The following PLAG1 variants were observed in gnomAD, a reference collection of about 807,000 sequenced individuals.
PLAG1 encodes zinc finger protein PLAG1.
PLAG1 carries 7 observed loss-of-function variants against 35.5 expected under a neutral mutation model. The ratio of observed to expected loss-of-function variants is 0.20; its 90% CI spans 0.11 to 0.37. The LOEUF is 0.37. Ranked by LOEUF, PLAG1 falls within the 10% of genes least tolerant of loss-of-function variation. The pLI is 1.00. For missense variants in PLAG1, 454 were observed against 602.8 expected (o/e 0.75, Z 2.58); for synonymous variants, 229 against 225.4 (o/e 1.02, Z -0.14).
At chr8:56,194,159 T>C (rs1047606459) in intron 1 of PLAG1, among the ~76,000 whole-genome samples, 2 of 151,724 alleles carry the variant, frequency 1.3e-5, no homozygotes, top group African/African-American at 4.8e-5. Context: ...ACTAAAAAAA[T>C]ACAAAAAATG....
chr8:56,181,961 G>A (rs1376632944), intron 1 of PLAG1, among the ~76,000 whole-genome samples: 1 of 152,170 alleles, frequency 6.6e-6, no homozygotes, highest in South Asian at 2.1e-4. Context: ...GTAGGGGAGG[G>A]CATGACTGCC....
intron 1 of PLAG1, among the ~76,000 whole-genome samples, chr8:56,200,760 A>ATTAG (rs1812525089): frequency 6.6e-6 from 1 of 151,600 alleles, no homozygotes; most frequent in South Asian, 2.1e-4. Flanking sequence ...CCAATTCCTA[A>ATTAG]CTCATGCCTT....
intron 1 of PLAG1, among the ~76,000 whole-genome samples, chr8:56,205,345 T>C (rs1204887373): frequency 6.6e-6 from 1 of 151,822 alleles, no homozygotes; most frequent in African/African-American, 2.4e-5. Flanking sequence ...TTTTCTTATT[T>C]AAAAAAAATT....
chr8:56,192,643 C>A (rs1812220295), intron 1 of PLAG1, among the ~76,000 whole-genome samples: 1 of 152,158 alleles, frequency 6.6e-6, no homozygotes, highest in South Asian at 2.1e-4. Context: ...AATTCTACAC[C>A]ATAACACTAC....
intron 2 of PLAG1, among the ~76,000 whole-genome samples, chr8:56,172,571 A>G (rs1811565278): frequency 6.6e-6 from 1 of 152,178 alleles, no homozygotes; most frequent in African/African-American, 2.4e-5. Context: ...ACACGTGTGG[A>G]GTGTTTTCAT....
chr8:56,171,195 A>G lies in PLAG1; in HGVS notation c.-216-6T>C. 1 of 853,398 alleles carries G rather than the reference A, an allele frequency of 1.2e-6. No homozygotes were observed. Among genetic ancestry groups the G allele is most frequent in the South Asian group, 5.3e-5 (1 of 18,704 alleles). 52.9% of individuals were successfully genotyped at this position (853,398 alleles called of 1,614,324 possible). On this transcript the variant is annotated splice_region_variant and splice_polypyrimidine_tract_variant and intron_variant, in intron 2 of 4. Transcript: ENST00000316981. ...TCCTTCCCATTTTGGCCAATCTATGAAAAAAAAGTGAAAATGGACTATCCT... is the reference window on the plus strand; with the variant it reads ...TCCTTCCCATTTTGGCCAATCTATGGAAAAAAAGTGAAAATGGACTATCCT...
At chr8:56,191,765 T>G (rs1170704188) in intron 1 of PLAG1, among the ~76,000 whole-genome samples, 1 of 150,070 alleles carries the variant, frequency 6.7e-6, no homozygotes, top group Non-Finnish European at 1.5e-5. Context: ...TAACATAGGG[T>G]GATCTTTCAT....
intron 2 of PLAG1, among the ~76,000 whole-genome samples, chr8:56,176,324 A>T (rs1811694570): frequency 7.1e-6 from 1 of 141,748 alleles, no homozygotes; most frequent in Admixed American, 7.4e-5. Context: ...AAGTGCTGGG[A>T]TTACAGGCGT....
At chr8:56,182,274 G>C (rs983580864) in intron 1 of PLAG1, among the ~76,000 whole-genome samples, 3 of 152,162 alleles carry the variant, frequency 2.0e-5, no homozygotes, top group Non-Finnish European at 4.4e-5. Context: ...TTTACTAGAA[G>C]AAAGTCCACT....
Position 56,163,236 on chromosome 8 carries a change from T to TTTTA in PLAG1, c.*3006_*3007insTAAA, listed in dbSNP as rs71256590. On this transcript the variant is annotated 3_prime_UTR_variant, in exon 5 of 5. Transcript: ENST00000316981. ...TTTTTTTTTTTTTTTTTTTTTTTTT[T>TTTTA]AACCAAGCTAAGGCACTACCAGAAA... The TTTTA allele has an allele frequency of 3.4e-4, 50 of 149,092 alleles. No individual in the cohort carries two copies. The highest frequency in any genetic ancestry group is 1.3e-3 in the African/African-American group (50 of 37,810). 9.2% of individuals were successfully genotyped at this position (149,092 alleles called of 1,614,324 possible).
chr8:56,166,195 G>C lies in PLAG1; in HGVS notation c.*48C>G, dbSNP rs746870540. ...GCACTAAAATAAAAATGGTCATCTA[G>C]GGCACAGCTACACATACATTTCTGT... On this transcript the variant is annotated 3_prime_UTR_variant, in exon 5 of 5. Transcript: ENST00000316981. 7.3e-7 allele frequency: 1 copy of C among 1,361,328 alleles called. No homozygotes were observed. Among genetic ancestry groups the C allele is most frequent in the Non-Finnish European group, 1.0e-6 (1 of 999,860 alleles). The allele number at this position is 1,361,328 out of a possible 1,614,324, so 84.3% of individuals were successfully genotyped here. A position where few individuals can be genotyped will look rare whatever the true frequency, so the allele number is the denominator to read the frequency against.
intron 2 of PLAG1, chr8:56,171,566 T>C (rs7830138): frequency 0.26 from 39,095 of 151,974 alleles, 5,838 homozygotes; most frequent in African/African-American, 0.41. Context: ...AAGTGACAAT[T>C]TTAGGCCCCT....
At chr8:56,180,151 C>T (rs1397544581) in intron 1 of PLAG1, among the ~76,000 whole-genome samples, 2 of 152,162 alleles carry the variant, frequency 1.3e-5, no homozygotes, top group African/African-American at 2.4e-5. Flanking sequence ...TGTTTGCATC[C>T]GTCTGTTGGT....
chr8:56,196,804 T>A (rs1309157656), intron 1 of PLAG1, among the ~76,000 whole-genome samples: 1 of 152,062 alleles, frequency 6.6e-6, no homozygotes, highest in Non-Finnish European at 1.5e-5. Flanking sequence ...TGTGTCCTCC[T>A]CTATGCATGT....
At chr8:56,169,522 T>C (rs1190073344) in intron 3 of PLAG1, among the ~76,000 whole-genome samples, 3 of 152,156 alleles carry the variant, frequency 2.0e-5, no homozygotes, top group South Asian at 2.1e-4. Context: ...TCAACGTTTA[T>C]AAAGGCTAGT....
intron 1 of PLAG1, among the ~76,000 whole-genome samples, chr8:56,183,643 T>C (rs980033243): frequency 2.0e-5 from 3 of 152,238 alleles, no homozygotes; most frequent in African/African-American, 7.2e-5. Flanking sequence ...TTTATACTTT[T>C]CTACATTATA....
rs199621845 is a variant in PLAG1, at chr8:56,164,562, G to GT, written c.*1680dup. 2.7e-3 allele frequency: 600 copies of GT among 218,568 alleles called. No homozygotes were observed. The highest frequency in any genetic ancestry group is 5.6e-3 in the Middle Eastern group (4 of 716). 13.5% of individuals were successfully genotyped at this position (218,568 alleles called of 1,614,324 possible). A position where few individuals can be genotyped will look rare whatever the true frequency, so the allele number is the denominator to read the frequency against. On this transcript the variant is annotated 3_prime_UTR_variant, in exon 5 of 5. Coordinates refer to ENST00000316981, the MANE Select transcript of PLAG1 (RefSeq NM_002655.3). Reference sequence around the variant, plus strand: ...AGTGCTCAGAAATATTTTTCTTTCTGTTTTTTTTTAAAGAGATATATACTC... The same window carrying GT: ...AGTGCTCAGAAATATTTTTCTTTCTGTTTTTTTTTTAAAGAGATATATACTC...
At chr8:56,182,895 CTTCT>C (rs1319416825) in intron 1 of PLAG1, among the ~76,000 whole-genome samples, 1 of 152,062 alleles carries the variant, frequency 6.6e-6, no homozygotes, top group Non-Finnish European at 1.5e-5. Context: ...AGAAAAGGGG[CTTCT>C]TTATCAAACT....
At chr8:56,198,082 A>G (rs149050650) in intron 1 of PLAG1, among the ~76,000 whole-genome samples, 13 of 152,288 alleles carry the variant, frequency 8.5e-5, no homozygotes, top group African/African-American at 2.4e-4. Flanking sequence ...ACAGCCTCTA[A>G]CCGCTGCTCA....
Sources: allele counts gnomAD v4.1 joint callset (sites outside exome capture counted in the v4.1 genomes callset), GRCh38; gene constraint gnomAD v4.1.1; transcripts MANE v1.5; gene names NCBI Gene and HGNC (gene_info 2026-07-23, HGNC 2026-07-21).